The following COQ8B variants were observed in gnomAD, a reference collection of about 807,000 sequenced individuals.
The protein encoded by COQ8B is coenzyme Q8B.
A neutral mutation model predicts 62.0 loss-of-function variants in COQ8B; 44 were observed. That is an observed-to-expected ratio of 0.71 (90% CI 0.56 to 0.91). The LOEUF (loss-of-function observed/expected upper bound fraction) is 0.91. Ranked by LOEUF, COQ8B falls within the 40% of genes least tolerant of loss-of-function variation. The pLI is 0.00. For synonymous variants in COQ8B, 252 were observed against 289.9 expected (o/e 0.87, Z 1.33); for missense variants, 649 against 731.6 (o/e 0.89, Z 1.30).
At chr19:40,693,161 TC>T (rs1476914323) in intron 13 of COQ8B, 124 bp from the exon 14 acceptor site, 1 of 761,636 alleles carries the variant, frequency 1.3e-6, no homozygotes, top group Non-Finnish European at 2.1e-6. Flanking sequence ...GGGCCCTCCC[TC>T]ACCTGGAAGC....
intron 9 of COQ8B, 120 bp downstream of exon 9, chr19:40,703,421 A>G (rs2082076461): frequency 1.9e-6 from 2 of 1,033,518 alleles, no homozygotes; most frequent in Admixed American, 2.9e-5. Flanking sequence ...TGTCTCTGAC[A>G]CTCCCGCTCA....
intron 13 of COQ8B, among the ~76,000 whole-genome samples, chr19:40,695,490 C>A (rs539813292): frequency 6.6e-6 from 1 of 152,104 alleles, no homozygotes; most frequent in Non-Finnish European, 1.5e-5. Flanking sequence ...GAGCCAAGTA[C>A]GTGAGGAAAC....
intron 4 of COQ8B, among the ~76,000 whole-genome samples, chr19:40,713,657 A>G (rs1169369761): frequency 1.4e-5 from 2 of 148,124 alleles, no homozygotes; most frequent in Non-Finnish European, 2.9e-5. Flanking sequence ...CAGAGGTTGC[A>G]ATGAGCCAAG....
intron 14 of COQ8B, among the ~76,000 whole-genome samples, 195 bp from the exon 15 acceptor site, chr19:40,692,568 A>G (rs1203865701): frequency 6.6e-6 from 1 of 151,820 alleles, no homozygotes; most frequent in Non-Finnish European, 1.5e-5. Context: ...TCCCCGAGTA[A>G]GCACCCCTTA....
At chr19:40,706,351 G>A (rs1366025501) in intron 5 of COQ8B, among the ~76,000 whole-genome samples, 3 of 152,310 alleles carry the variant, frequency 2.0e-5, no homozygotes, top group South Asian at 2.1e-4. Context: ...GCTCTCATGC[G>A]TCTAAGAACA....
Position 40,692,987 on chromosome 19 carries a change from G to A in COQ8B, c.1260C>T (p.Ser420=). The part of the protein sequence containing the change: ...DGDRDCVLQK[S]RDLKFLTGFE... Reference sequence around the variant, plus strand: ...AGCCTGTGAGGAATTTGAGGTCCCTGGACTTCTGCAGGACACAGTCTCTGT... The same window carrying A: ...AGCCTGTGAGGAATTTGAGGTCCCTAGACTTCTGCAGGACACAGTCTCTGT... The change falls in exon 14 of 15, where the codon TCC becomes TCT. Residue 420 remains serine, a synonymous_variant. Transcript: ENST00000324464. 3 of 1,613,942 alleles carry A rather than the reference G, an allele frequency of 1.9e-6. No individual in the cohort carries two copies. Among genetic ancestry groups the A allele is most frequent in the Non-Finnish European group, 2.5e-6 (3 of 1,179,890 alleles).
intron 12 of COQ8B, 36 bp from the exon 13 acceptor site, chr19:40,696,090 C>A (rs1235349413): frequency 1.3e-6 from 2 of 1,598,128 alleles, no homozygotes; most frequent in Non-Finnish European, 1.7e-6. Flanking sequence ...ATGCTGGGAT[C>A]CCATTCACAC....
chr19:40,711,201 TTC>T (rs1312630001), intron 4 of COQ8B, among the ~76,000 whole-genome samples: 4 of 152,026 alleles, frequency 2.6e-5, no homozygotes, highest in African/African-American at 9.7e-5. Context: ...TGACTCTTCT[TTC>T]TCTGTCCACA....
intron 5 of COQ8B, 135 bp from the exon 6 acceptor site, chr19:40,705,582 G>T: frequency 1.1e-6 from 1 of 916,180 alleles, no homozygotes; most frequent in Non-Finnish European, 1.5e-6. Context: ...ACCAGTCTGG[G>T]CAACAGTGAC....
At chr19:40,715,335 C>T (rs1264561328) in intron 1 of COQ8B, 4 of 985,544 alleles carry the variant, frequency 4.1e-6, no homozygotes, top group Non-Finnish European at 3.6e-6. Context: ...CTCAAAGTGC[C>T]TTGTACGCGA....
Position 40,700,071 on chromosome 19 carries a change from TG to T in COQ8B, c.1138del (p.His380ThrfsTer3), listed in dbSNP as rs2082049227. 6.2e-7 allele frequency: 1 copy of T among 1,613,976 alleles called. No homozygotes were observed. Among genetic ancestry groups the T allele is most frequent in the South Asian group, 1.1e-5 (1 of 91,082 alleles). ...CACACATCACTAGGAACCAACCTGGTGGCTGGAGGCATCATACAGGAAGTTG... is the reference window on the plus strand; with the variant it reads ...CACACATCACTAGGAACCAACCTGGTGCTGGAGGCATCATACAGGAAGTTG... Reference protein sequence around the residue: ...WANFLYDASSHQVTLLDFGAS... With the variant: ...WANFLYDASSXQVTLLDFGAS... On this transcript the variant is annotated frameshift_variant, in exon 12 of 15. Transcript: ENST00000324464. LOFTEE classifies it high-confidence loss of function.
chr19:40,714,203 C>T (rs1432962976), intron 3 of COQ8B, 70 bp from the exon 4 acceptor site: 2 of 1,607,866 alleles, frequency 1.2e-6, no homozygotes, highest in East Asian at 2.2e-5. Flanking sequence ...GCCACTCTGC[C>T]ACCACACCCT....
At position 40,705,371 on chromosome 19, in the gene COQ8B, T is replaced by G; in HGVS notation, c.444A>C (p.Thr148=). 3.1e-6 allele frequency: 5 copies of G among 1,600,438 alleles called. No individual in the cohort carries two copies. Among genetic ancestry groups the G allele is most frequent in the Non-Finnish European group, 4.3e-6 (5 of 1,168,964 alleles). Residue 148 remains threonine (T), a synonymous_variant, in exon 6 of 15, where the codon ACA becomes ACC. Transcript: ENST00000324464. Reference sequence around the variant, plus strand: ...CAACCTTGAGGGCGGCCCCTCGAACTGTACATAAGGTCTGCACAATCCGCT... The same window carrying G: ...CAACCTTGAGGGCGGCCCCTCGAACGGTACATAAGGTCTGCACAATCCGCT... ...NAERIVQTLC[T]VRGAALKVGQ...
At chr19:40,694,194 C>T (rs1033803937) in intron 13 of COQ8B, among the ~76,000 whole-genome samples, 3 of 152,138 alleles carry the variant, frequency 2.0e-5, no homozygotes, top group African/African-American at 7.2e-5. Flanking sequence ...CAGACCAGAC[C>T]CCTAGACACC....
chr19:40,701,854 C>G (rs1402857011), intron 10 of COQ8B, among the ~76,000 whole-genome samples: 1 of 152,186 alleles, frequency 6.6e-6, no homozygotes, highest in African/African-American at 2.4e-5. Flanking sequence ...AATGTGTGAG[C>G]CACACTGTGG....
chr19:40,693,501 T>G (rs2081989830), intron 13 of COQ8B, among the ~76,000 whole-genome samples: 1 of 152,202 alleles, frequency 6.6e-6, no homozygotes, highest in Admixed American at 6.5e-5. Context: ...GAGGAGGCCC[T>G]GGGTGAACCT....
chr19:40,695,769 C>T (rs2082010144), intron 13 of COQ8B, among the ~76,000 whole-genome samples: 1 of 152,156 alleles, frequency 6.6e-6, no homozygotes, highest in South Asian at 2.1e-4. Context: ...CGGTCCTTTT[C>T]GCATTGTGTT....
chr19:40,706,574 C>T (rs1203773324), intron 5 of COQ8B, among the ~76,000 whole-genome samples: 4 of 152,198 alleles, frequency 2.6e-5, no homozygotes, highest in Non-Finnish European at 5.9e-5. Flanking sequence ...ATCCTCCTGC[C>T]TTAACCTCCT....
intron 12 of COQ8B, among the ~76,000 whole-genome samples, chr19:40,696,377 C>T (rs2082015182): frequency 6.6e-6 from 1 of 152,124 alleles, no homozygotes. Context: ...ATAAAATACT[C>T]CCCATCCGGC....
Sources: gnomAD v4.1 joint callset for allele counts (sites outside exome capture counted in the v4.1 genomes callset) on GRCh38, gnomAD v4.1.1 for gene constraint, MANE v1.5 for transcripts, NCBI Gene and HGNC (gene_info 2026-07-23, HGNC 2026-07-21) for gene names.